Variants in FAM135B observed in about 807,000 individuals in gnomAD.
FAM135B encodes the protein protein FAM135B.
FAM135B carries 43 observed loss-of-function variants against 127.7 expected under a neutral mutation model. The ratio of observed to expected loss-of-function variants is 0.34; its 90% CI spans 0.26 to 0.43. The LOEUF is 0.43. Among genes scored for constraint, FAM135B ranks in the 20% least tolerant of loss-of-function variants. The pLI, the probability that FAM135B is intolerant of heterozygous loss-of-function variation, is 1.00. For synonymous variants in FAM135B, 670 were observed against 665.1 expected, an observed-to-expected ratio of 1.01 and a Z score of -0.11; for missense variants, 1,558 against 1,725.6, an observed-to-expected ratio of 0.90 and a Z score of 1.72.
At chr8:138,474,073 A>G (rs1416115027) in intron 1 of FAM135B, among the ~76,000 whole-genome samples, 4 of 152,194 alleles carry the variant, frequency 2.6e-5, no homozygotes, top group Non-Finnish European at 5.9e-5. Flanking sequence ...CAGTGATTCT[A>G]TCTGAGGTTT....
intron 7 of FAM135B, among the ~76,000 whole-genome samples, chr8:138,213,589 A>G (rs963459080): frequency 6.6e-6 from 1 of 151,750 alleles, no homozygotes; most frequent in African/African-American, 2.4e-5. Context: ...TTTTGGAGAT[A>G]GAATTTTAGC....
Position 138,374,983 on chromosome 8 carries a change from T to TAACAACAAC in FAM135B, c.-19-6990_-19-6982dup, listed in dbSNP as rs58875296. 9.3e-4 allele frequency among the ~76,000 whole-genome samples: 140 copies of TAACAACAAC among 150,374 alleles called. 1 individual carries two copies. The highest frequency in any genetic ancestry group is 3.0e-3 in the African/African-American group (122 of 40,284). On this transcript the variant is annotated intron_variant, in intron 1 of 19. Transcript: ENST00000395297. ...CCACAAAAGAACAACCTGGGAAAAT[T>TAACAACAAC]AACAACAACAACAACAACAACAACA...
intron 2 of FAM135B, among the ~76,000 whole-genome samples, chr8:138,332,106 C>G (rs998191805): frequency 2.6e-5 from 4 of 152,168 alleles, no homozygotes; most frequent in Non-Finnish European, 4.4e-5. Flanking sequence ...TCATCTGGCT[C>G]TGAGTCCAAG....
intron 6 of FAM135B, among the ~76,000 whole-genome samples, chr8:138,245,324 C>G (rs981388141): frequency 1.3e-5 from 2 of 152,160 alleles, no homozygotes; most frequent in African/African-American, 4.8e-5. Context: ...TTCACTGTGT[C>G]CCCACCCAAA....
chr8:138,347,178 G>A (rs181726192), intron 2 of FAM135B, among the ~76,000 whole-genome samples: 6 of 152,314 alleles, frequency 3.9e-5, no homozygotes, highest in Non-Finnish European at 8.8e-5. Context: ...AGGAGGACCT[G>A]GCTCCTCACT....
chr8:138,341,108 A>G (rs997544631), intron 2 of FAM135B, among the ~76,000 whole-genome samples: 1 of 152,210 alleles, frequency 6.6e-6, no homozygotes, highest in Non-Finnish European at 1.5e-5. Context: ...CAGATTTTGC[A>G]TACTCATGTT....
At chr8:138,372,042 G>T (rs1487268397) in intron 1 of FAM135B, among the ~76,000 whole-genome samples, 1 of 152,250 alleles carries the variant, frequency 6.6e-6, no homozygotes, top group East Asian at 1.9e-4. Context: ...GAAGAGGGGG[G>T]ACCTGGGTCT....
At chr8:138,229,461 T>C (rs1387504033) in intron 7 of FAM135B, among the ~76,000 whole-genome samples, 1 of 152,104 alleles carries the variant, frequency 6.6e-6, no homozygotes, top group African/African-American at 2.4e-5. Flanking sequence ...CAGAGACCCA[T>C]AGTTATAGTC....
chr8:138,307,043 T>G (rs961994212), intron 3 of FAM135B, among the ~76,000 whole-genome samples: 2 of 152,200 alleles, frequency 1.3e-5, no homozygotes, highest in Admixed American at 6.5e-5. Context: ...ACACTGAATG[T>G]TCAGCAACAT....
At chr8:138,288,435 C>G (rs1331383045) in intron 3 of FAM135B, among the ~76,000 whole-genome samples, 1 of 152,110 alleles carries the variant, frequency 6.6e-6, no homozygotes, top group Non-Finnish European at 1.5e-5. Flanking sequence ...GGTTTCAGAG[C>G]TAGGGAAGCC....
At chr8:138,420,656 C>CT (rs376962255) in intron 1 of FAM135B, among the ~76,000 whole-genome samples, 2 of 151,916 alleles carry the variant, frequency 1.3e-5, no homozygotes, top group Non-Finnish European at 1.5e-5. Flanking sequence ...GATCAGTAGG[C>CT]TTTTTTTCCT....
intron 1 of FAM135B, chr8:138,440,807 T>C (rs1835717233): frequency 6.6e-6 from 1 of 152,210 alleles, no homozygotes; most frequent in South Asian, 2.1e-4. Flanking sequence ...GTGGCTATGA[T>C]ATTTCATGAC....
In FAM135B at chr8:138,287,404, T is replaced by A. The variant is rs151134518; in HGVS notation, c.158-21562A>T. ...AATAAATATTTCCATAAACTGCTAG[T>A]GGAAGTTGAAACTGACACTTTGAAG... On this transcript the variant is annotated intron_variant, in intron 3 of 19. Transcript: ENST00000395297. 1.6e-3 allele frequency among the ~76,000 whole-genome samples: 245 copies of A among 151,780 alleles called. 3 individuals carry two copies. Among genetic ancestry groups the A allele is most frequent in the African/African-American group, 5.5e-3 (229 of 41,392 alleles).
intron 1 of FAM135B, among the ~76,000 whole-genome samples, chr8:138,432,351 GC>G (rs1192544253): frequency 6.6e-6 from 1 of 152,132 alleles, no homozygotes; most frequent in African/African-American, 2.4e-5. Context: ...CTGGTAAGGA[GC>G]AAGAGTGGTA....
chr8:138,314,682 C>T (rs549487343), intron 2 of FAM135B, among the ~76,000 whole-genome samples: 78 of 14,668 alleles, frequency 5.3e-3, no homozygotes, highest in Non-Finnish European at 0.01. Context: ...TATATGGAGA[C>T]CCCATCCCTA....
At chr8:138,339,655 G>A (rs926939083) in intron 2 of FAM135B, among the ~76,000 whole-genome samples, 1 of 152,154 alleles carries the variant, frequency 6.6e-6, no homozygotes, top group African/African-American at 2.4e-5. Flanking sequence ...TGTGCATATG[G>A]TGATTAGAAT....
At chr8:138,398,255 G>T (rs534730705) in intron 1 of FAM135B, among the ~76,000 whole-genome samples, 1 of 152,302 alleles carries the variant, frequency 6.6e-6, no homozygotes, top group East Asian at 1.9e-4. Flanking sequence ...CCCCAGAGGG[G>T]CTCATTCAGT....
At chr8:138,435,699 TA>T (rs1018439175) in intron 1 of FAM135B, among the ~76,000 whole-genome samples, 41 of 152,074 alleles carry the variant, frequency 2.7e-4, no homozygotes, top group African/African-American at 9.4e-4. Context: ...TAAATATTTC[TA>T]AAAAAAACAC....
chr8:138,314,571 G>T (rs1034900320), intron 2 of FAM135B, among the ~76,000 whole-genome samples: 28 of 151,926 alleles, frequency 1.8e-4, no homozygotes, highest in Non-Finnish European at 3.8e-4. Context: ...TATCAATGCA[G>T]TCTCTATTAA....
Sources: allele counts gnomAD v4.1 joint callset (sites outside exome capture counted in the v4.1 genomes callset), GRCh38; gene constraint gnomAD v4.1.1; transcripts MANE v1.5; gene names NCBI Gene and HGNC (gene_info 2026-07-23, HGNC 2026-07-21).